Variants in ZCWPW1 observed in about 807,000 individuals in gnomAD.
ZCWPW1 encodes zinc finger CW-type PWWP domain protein 1.
In ZCWPW1, 56 loss-of-function variants were observed where a neutral mutation model predicts 81.3. That is an observed-to-expected ratio of 0.69 (90% CI 0.56 to 0.86). The LOEUF (loss-of-function observed/expected upper bound fraction) is 0.86, where lower values mean the gene tolerates loss of function less well. Ranked by LOEUF, ZCWPW1 falls within the 40% of genes least tolerant of loss-of-function variation. The probability of loss-of-function intolerance (pLI) is 0.00; values close to 1 mark genes in which losing one functional copy is unlikely to be tolerated. For synonymous variants in ZCWPW1, 250 were observed against 273.7 expected (o/e 0.91, Z 0.86); for missense variants, 650 against 769.8 (o/e 0.84, Z 1.84).
chr7:100,412,205 T>A (rs760261167), intron 8 of ZCWPW1, among the ~76,000 whole-genome samples: 1 of 152,240 alleles, frequency 6.6e-6, no homozygotes, highest in East Asian at 1.9e-4. Flanking sequence ...CTCATTCCCA[T>A]GGCTTTGAAA....
chr7:100,412,969 C>T (rs1794524319), intron 8 of ZCWPW1, among the ~76,000 whole-genome samples: 1 of 151,970 alleles, frequency 6.6e-6, no homozygotes, highest in Non-Finnish European at 1.5e-5. Context: ...CTCACTGCAA[C>T]CTCAAACTCC....
chr7:100,424,781 A>G (rs1194288144), intron 2 of ZCWPW1, among the ~76,000 whole-genome samples: 1 of 152,136 alleles, frequency 6.6e-6, no homozygotes, highest in Non-Finnish European at 1.5e-5. Flanking sequence ...AGTAAAATTA[A>G]AAGAGAGTAT....
chr7:100,415,075 ATTTTTTTT>A (rs1165297451), intron 8 of ZCWPW1, among the ~76,000 whole-genome samples: 3 of 74,204 alleles, frequency 4.0e-5, no homozygotes, highest in African/African-American at 1.2e-4. Context: ...CTCCGTACCC[ATTTTTTTT>A]TTTTTTTTTT....
At chr7:100,406,883 AT>A (rs1193362851) in intron 11 of ZCWPW1, 85 bp from the exon 12 acceptor site, 12 of 1,262,382 alleles carry the variant, frequency 9.5e-6, no homozygotes, top group Non-Finnish European at 1.4e-5. Context: ...GAGAATGGGA[AT>A]TCACCCAGAA....
At chr7:100,403,972 C>T (rs1003457931) in intron 14 of ZCWPW1, among the ~76,000 whole-genome samples, 187 bp from the exon 15 acceptor site, 2 of 152,132 alleles carry the variant, frequency 1.3e-5, no homozygotes, top group African/African-American at 4.8e-5. Flanking sequence ...ACCCTCCCTC[C>T]CCATTCTGTT....
rs775525356 is a variant in ZCWPW1, at chr7:100,401,152, G to C, written c.1812C>G (p.Pro604=). 17 of 1,614,264 alleles carry C rather than the reference G, an allele frequency of 1.1e-5. No individual in the cohort carries two copies. In the South Asian group the frequency reaches 1.8e-4, roughly 17 times the overall value. Reference sequence around the variant, plus strand: ...GGTCACTGGAGGCTTCGTCCTCAAGGGGGACACTTCCAGCCTCCTGGGTCA... The same window carrying C: ...GGTCACTGGAGGCTTCGTCCTCAAGCGGGACACTTCCAGCCTCCTGGGTCA... ...EPLTQEAGSV[P]LEDEASSDLD... is the part of the protein sequence containing the mutation. Residue 604 remains proline, a synonymous_variant, in exon 18 of 18, where the codon CCC becomes CCG. Coordinates refer to ENST00000684423, the MANE Select transcript of ZCWPW1 (RefSeq NM_001386010.1).
At chr7:100,407,098 T>C (rs527280132) in intron 11 of ZCWPW1, 130 bp downstream of exon 11, 1 of 788,886 alleles carries the variant, frequency 1.3e-6, no homozygotes, top group African/African-American at 1.7e-5. Context: ...GTGTTTGTCA[T>C]CCTAGTTAAG....
Position 100,402,033 on chromosome 7 carries a change from C to T in ZCWPW1, c.1483G>A (p.Gly495Ser). 7.5e-6 allele frequency: 12 copies of T among 1,607,878 alleles called. No individual in the cohort carries two copies. Among genetic ancestry groups the T allele is most frequent in the South Asian group, 2.2e-5 (2 of 90,224 alleles). Residue 495 changes from glycine to serine, a missense_variant, in exon 17 of 18, where the codon GGT becomes AGT. By Grantham distance (56) the Gly-to-Ser change is moderately conservative (BLOSUM62 0). Transcript: ENST00000684423. ...TQKTKPRGLGGDAGTADGRGR... is the reference protein window; with the variant it reads ...TQKTKPRGLGSDAGTADGRGR... The stretch of plus-strand genomic sequence containing the variant: ...CGGCCATCTGCTGTGCCTGCATCAC[C>T]CCCAAGCCCTAGCCGTGAGGGAAAT...
chr7:100,404,245 C>A lies in ZCWPW1; in HGVS notation c.1255-1G>T. On this transcript the variant is annotated splice_acceptor_variant, in intron 13 of 17. Transcript: ENST00000684423. LOFTEE classifies it high-confidence loss of function. ...AGAAACCAAACAAGTTAACCCGTTC[C>A]TAAGGGAACCAAGAAACAAAAGCAT... 1 of 1,614,034 alleles carries A rather than the reference C, an allele frequency of 6.2e-7. No individual in the cohort carries two copies. The highest frequency in any genetic ancestry group is 1.1e-5 in the South Asian group (1 of 91,066).
intron 12 of ZCWPW1, among the ~76,000 whole-genome samples, chr7:100,406,116 T>C (rs898489109): frequency 2.0e-5 from 3 of 152,218 alleles, no homozygotes; most frequent in African/African-American, 7.2e-5. Flanking sequence ...CTCTGCTCAA[T>C]TGCAAGGCTG....
rs1447650284 is a variant in ZCWPW1 at position 100,401,073 on chromosome 7, C to T, written c.1891G>A (p.Glu631Lys). 1.9e-6 allele frequency: 3 copies of T among 1,614,136 alleles called. No homozygotes were observed. Among genetic ancestry groups the T allele is most frequent in the South Asian group, 1.1e-5 (1 of 91,062 alleles). Reference protein sequence around the residue: ...DVGRELGQSGELQHSNSDGED... With the variant: ...DVGRELGQSGKLQHSNSDGED... ...CCATCACTGTTGCTGTGCTGCAGCTCCCCGCTCTGCCCCAGCTCTCTCCCA... is the reference window on the plus strand; with the variant it reads ...CCATCACTGTTGCTGTGCTGCAGCTTCCCGCTCTGCCCCAGCTCTCTCCCA... Residue 631 changes from glutamate to lysine, a missense_variant, in exon 18 of 18, where the codon GAG becomes AAG. By Grantham distance (56) the Glu-to-Lys change is moderately conservative (BLOSUM62 1). Coordinates refer to ENST00000684423, the MANE Select transcript of ZCWPW1 (RefSeq NM_001386010.1).
intron 2 of ZCWPW1, among the ~76,000 whole-genome samples, chr7:100,422,561 CTTTATT>C (rs966616146): frequency 2.0e-5 from 3 of 152,176 alleles, no homozygotes; most frequent in Non-Finnish European, 4.4e-5. Flanking sequence ...TTCCATACAG[CTTTATT>C]TTTATTTTTT....
intron 8 of ZCWPW1, among the ~76,000 whole-genome samples, chr7:100,414,105 C>T (rs1794721884): frequency 6.6e-6 from 1 of 152,092 alleles, no homozygotes; most frequent in South Asian, 2.1e-4. Context: ...AACTCCAGGC[C>T]ACCTGGTTGT....
At position 100,408,515 on chromosome 7, in the gene ZCWPW1, TCTGA is replaced by T; in HGVS notation, c.992+20_992+23del. 4.4e-6 allele frequency: 7 copies of T among 1,607,692 alleles called. No homozygotes were observed. Among genetic ancestry groups the T allele is most frequent in the Non-Finnish European group, 5.9e-6 (7 of 1,177,688 alleles). On this transcript the variant is annotated intron_variant, in intron 10 of 17. Coordinates refer to ENST00000684423, the MANE Select transcript of ZCWPW1 (RefSeq NM_001386010.1). ...CCTCTCCCAAGTTTGTGAAGGATGC[TCTGA>T]CTGTGTCATAATGCCCTACCAGGGG...
chr7:100,426,492 CAAA>C (rs1239534406), intron 1 of ZCWPW1, among the ~76,000 whole-genome samples: 4 of 72,234 alleles, frequency 5.5e-5, no homozygotes, highest in Non-Finnish European at 2.8e-5. Context: ...GACTCTGTCT[CAAA>C]AAAAAAAAAA....
At chr7:100,410,948 C>T (rs1794032522) in intron 8 of ZCWPW1, among the ~76,000 whole-genome samples, 1 of 152,240 alleles carries the variant, frequency 6.6e-6, no homozygotes, top group Non-Finnish European at 1.5e-5. Context: ...CCCTTTCCCA[C>T]TGTCGTTCTT....
intron 8 of ZCWPW1, among the ~76,000 whole-genome samples, chr7:100,412,816 C>T (rs1035752501): frequency 9.2e-5 from 14 of 152,144 alleles, no homozygotes; most frequent in African/African-American, 1.9e-4. Flanking sequence ...CTCCTGACCT[C>T]GTGATCCACC....
chr7:100,406,202 C>A (rs1371146936), intron 12 of ZCWPW1, among the ~76,000 whole-genome samples: 1 of 152,142 alleles, frequency 6.6e-6, no homozygotes, highest in Admixed American at 6.5e-5. Flanking sequence ...AGACTGTGCC[C>A]CCCAGAAGGC....
At chr7:100,409,382 G>A (rs2130564824) in intron 9 of ZCWPW1, 46 bp downstream of exon 9, 1 of 1,426,424 alleles carries the variant, frequency 7.0e-7, no homozygotes, top group South Asian at 1.2e-5. Context: ...AGAAAGAAAG[G>A]GAGGAACAAT....
Sources: gnomAD v4.1 joint callset for allele counts (sites outside exome capture counted in the v4.1 genomes callset) on GRCh38, gnomAD v4.1.1 for gene constraint, MANE v1.5 for transcripts, NCBI Gene and HGNC (gene_info 2026-07-23, HGNC 2026-07-21) for gene names.